The following SLX4IP variants were observed in gnomAD, a reference collection of about 807,000 sequenced individuals.
SLX4IP encodes the protein protein SLX4IP.
SLX4IP carries 34 observed loss-of-function variants against 32.9 expected under a neutral mutation model. That is an observed-to-expected ratio of 1.03 (90% CI 0.79 to 1.38). The LOEUF (loss-of-function observed/expected upper bound fraction) is 1.38. Ranked by LOEUF, SLX4IP falls within the 40% of genes most tolerant of loss-of-function variation. The pLI, the probability that SLX4IP is intolerant of heterozygous loss-of-function variation, is 0.00. For synonymous variants in SLX4IP, 172 were observed against 171.7 expected, an observed-to-expected ratio of 1.00 and a Z score of -0.01; for missense variants, 444 against 479.0, an observed-to-expected ratio of 0.93 and a Z score of 0.68.
intron 2 of SLX4IP, among the ~76,000 whole-genome samples, chr20:10,517,136 T>C (rs2068692073): frequency 6.6e-6 from 1 of 152,246 alleles, no homozygotes; most frequent in Non-Finnish European, 1.5e-5. Flanking sequence ...TGTTCTAAAC[T>C]GATCATTTCT....
chr20:10,540,059 GTTTTCTTTC>G lies in SLX4IP; in HGVS notation c.28-16156_28-16148del, dbSNP rs1036678891. 2.3e-4 allele frequency among the ~76,000 whole-genome samples: 34 copies of G among 147,418 alleles called. No homozygotes were observed. The South Asian group carries it at 2.8e-3, about 12-fold the overall frequency. ...GCTTTAGCAATTTGTGTTTCTTTTT[GTTTTCTTTC>G]TTTTCTTTCTTTTCTCTCCTTCCTT... On this transcript the variant is annotated intron_variant, in intron 2 of 7. Coordinates refer to ENST00000334534, the MANE Select transcript of SLX4IP (RefSeq NM_001009608.3).
At chr20:10,436,166 C>G (rs557572397) in intron 1 of SLX4IP, among the ~76,000 whole-genome samples, 1 of 152,170 alleles carries the variant, frequency 6.6e-6, no homozygotes, top group South Asian at 2.1e-4. Flanking sequence ...AACTAATATT[C>G]CAGTTACTTA....
chr20:10,520,612 T>C (rs1175782792), intron 2 of SLX4IP, among the ~76,000 whole-genome samples: 1 of 152,220 alleles, frequency 6.6e-6, no homozygotes, highest in Non-Finnish European at 1.5e-5. Context: ...AAGTTCACAC[T>C]TATGTTTTCT....
At chr20:10,470,216 C>A (rs1213263255) in intron 2 of SLX4IP, among the ~76,000 whole-genome samples, 1 of 152,160 alleles carries the variant, frequency 6.6e-6, no homozygotes, top group East Asian at 1.9e-4. Context: ...ACTCACCTTT[C>A]CTTTTTGTTA....
At chr20:10,576,928 C>T (rs1423416443) in intron 4 of SLX4IP, among the ~76,000 whole-genome samples, 1 of 152,090 alleles carries the variant, frequency 6.6e-6, no homozygotes, top group East Asian at 1.9e-4. Flanking sequence ...TGTCTGGTTT[C>T]CTATTTGCGG....
In SLX4IP at chr20:10,615,178, A is replaced by G. The variant is rs377352112; in HGVS notation, c.406-6136A>G. Among the ~76,000 whole-genome samples the G allele has an allele frequency of 4.7e-4, 71 of 152,206 alleles. No homozygotes were observed. The East Asian group carries it at 6.6e-3, about 14-fold the overall frequency. The stretch of plus-strand genomic sequence containing the variant: ...CTGCCTTCATACTGGAGAAGTGCCA[A>G]TGCAGCCACTTGCACTTCTCCCTTG... On this transcript the variant is annotated intron_variant, in intron 6 of 7. Coordinates refer to ENST00000334534, the MANE Select transcript of SLX4IP (RefSeq NM_001009608.3).
chr20:10,526,696 A>G (rs1349102810), intron 2 of SLX4IP, among the ~76,000 whole-genome samples: 1 of 152,158 alleles, frequency 6.6e-6, no homozygotes, highest in Non-Finnish European at 1.5e-5. Context: ...CATGCCTGTA[A>G]TCCCAGCACT....
chr20:10,597,291 T>G (rs1029735419), intron 4 of SLX4IP, among the ~76,000 whole-genome samples: 1 of 152,196 alleles, frequency 6.6e-6, no homozygotes, highest in African/African-American at 2.4e-5. Context: ...CTGGTGGAGC[T>G]TTTGCTTCTG....
At chr20:10,533,397 G>A (rs931090470) in intron 2 of SLX4IP, among the ~76,000 whole-genome samples, 7 of 151,502 alleles carry the variant, frequency 4.6e-5, no homozygotes, top group Non-Finnish European at 8.8e-5. Context: ...CCACCTCCTC[G>A]GGCTCAAGTG....
intron 2 of SLX4IP, among the ~76,000 whole-genome samples, chr20:10,555,065 G>T (rs2066253461): frequency 1.3e-5 from 2 of 151,910 alleles, no homozygotes; most frequent in South Asian, 4.1e-4. Flanking sequence ...GTCTAGGTGT[G>T]TGATCCATCT....
At chr20:10,574,545 G>T (rs1387151661) in intron 4 of SLX4IP, among the ~76,000 whole-genome samples, 1 of 152,060 alleles carries the variant, frequency 6.6e-6, no homozygotes, top group Non-Finnish European at 1.5e-5. Flanking sequence ...TATTACTTTT[G>T]CATCTGCTTG....
At chr20:10,495,920 A>T (rs2065663740) in intron 2 of SLX4IP, among the ~76,000 whole-genome samples, 2 of 150,544 alleles carry the variant, frequency 1.3e-5, no homozygotes, top group South Asian at 2.1e-4. Context: ...GTTGATTTTT[A>T]ATTTTGTTTC....
intron 3 of SLX4IP, among the ~76,000 whole-genome samples, chr20:10,559,210 C>T (rs1415818518): frequency 6.6e-6 from 1 of 151,844 alleles, no homozygotes; most frequent in African/African-American, 2.4e-5. Context: ...AAAGGGATAT[C>T]TCTGTATTCC....
intron 2 of SLX4IP, among the ~76,000 whole-genome samples, chr20:10,547,423 T>A (rs2066173304): frequency 6.6e-6 from 1 of 152,136 alleles, no homozygotes; most frequent in Admixed American, 6.5e-5. Context: ...AGGAGCTCCC[T>A]CCCCTCCTGA....
chr20:10,460,027 A>G (rs2065323188), intron 2 of SLX4IP, among the ~76,000 whole-genome samples: 1 of 152,174 alleles, frequency 6.6e-6, no homozygotes, highest in Non-Finnish European at 1.5e-5. Flanking sequence ...TAGATTTACT[A>G]ACATATTTAT....
At chr20:10,593,284 C>T (rs1291517065) in intron 4 of SLX4IP, among the ~76,000 whole-genome samples, 1 of 152,192 alleles carries the variant, frequency 6.6e-6, no homozygotes, top group Non-Finnish European at 1.5e-5. Context: ...ACCAAATTTT[C>T]AGGTCATCTG....
At chr20:10,589,999 C>T (rs949903421) in intron 4 of SLX4IP, among the ~76,000 whole-genome samples, 26 of 151,128 alleles carry the variant, frequency 1.7e-4, no homozygotes, top group South Asian at 2.1e-4. Flanking sequence ...CATTATTTTT[C>T]GCAGCTTCCA....
chr20:10,607,715 G>T (rs1038103807), intron 6 of SLX4IP, among the ~76,000 whole-genome samples: 1 of 152,018 alleles, frequency 6.6e-6, no homozygotes, highest in African/African-American at 2.4e-5. Context: ...TGGTAGTGAG[G>T]ATGAAGATGT....
In SLX4IP at chr20:10,495,890, T is replaced by G. The variant is rs968932833; in HGVS notation, c.27+37659T>G. ...TAAGTGGCAAATAGCTGGGTTTTTT[T>G]TTGTTGTTGTTATTATTTGGTTGAT... On this transcript the variant is annotated intron_variant, in intron 2 of 7. Transcript: ENST00000334534. 1.2e-4 allele frequency among the ~76,000 whole-genome samples: 18 copies of G among 152,242 alleles called. No homozygotes were observed. The South Asian group carries it at 1.4e-3, about 12-fold the overall frequency.
Sources: allele counts gnomAD v4.1 joint callset (sites outside exome capture counted in the v4.1 genomes callset), GRCh38; gene constraint gnomAD v4.1.1; transcripts MANE v1.5; gene names NCBI Gene and HGNC (gene_info 2026-07-23, HGNC 2026-07-21).